The following NTM variants were observed in gnomAD, a reference collection of about 807,000 sequenced individuals.
The protein encoded by NTM is IgLON family member 2.
Under a neutral mutation model 42.1 loss-of-function variants are expected in NTM, and 13 were observed. The observed-to-expected ratio is 0.31, with a 90% confidence interval of 0.20 to 0.49. The LOEUF is 0.49. Ranked by LOEUF, NTM falls within the 20% of genes least tolerant of loss-of-function variation. The pLI is 0.99. For synonymous variants in NTM, 187 were observed against 179.2 expected (o/e 1.04, Z -0.35); for missense variants, 373 against 452.8 (o/e 0.82, Z 1.60).
At chr11:132,206,753 T>C (rs1490429947) in intron 3 of NTM, among the ~76,000 whole-genome samples, 1 of 152,234 alleles carries the variant, frequency 6.6e-6, no homozygotes, top group Admixed American at 6.5e-5. Context: ...TCACTTTTTC[T>C]GCCTAGATAC....
intron 1 of NTM, among the ~76,000 whole-genome samples, chr11:131,805,913 C>A (rs959723642): frequency 6.6e-6 from 1 of 152,170 alleles, no homozygotes; most frequent in Non-Finnish European, 1.5e-5. Flanking sequence ...CAAAATTAAA[C>A]ATGATGTTTA....
chr11:131,969,774 T>G (rs1351641194), intron 2 of NTM, among the ~76,000 whole-genome samples: 1 of 152,252 alleles, frequency 6.6e-6, no homozygotes, highest in East Asian at 1.9e-4. Context: ...TCTTCCCTTT[T>G]CAATGTTTTC....
At chr11:131,433,899 T>G (rs887256819) in intron 1 of NTM, among the ~76,000 whole-genome samples, 1 of 152,216 alleles carries the variant, frequency 6.6e-6, no homozygotes, top group East Asian at 1.9e-4. Context: ...CTGCACCCAT[T>G]AACTCGTCAT....
chr11:131,656,069 T>G (rs1397977614), intron 1 of NTM, among the ~76,000 whole-genome samples: 1 of 152,174 alleles, frequency 6.6e-6, no homozygotes, highest in Non-Finnish European at 1.5e-5. Flanking sequence ...CACCAGATCC[T>G]CATCTGCCAT....
At chr11:131,734,216 G>A (rs2080113490) in intron 1 of NTM, among the ~76,000 whole-genome samples, 2 of 152,070 alleles carry the variant, frequency 1.3e-5, no homozygotes, top group African/African-American at 2.4e-5. Context: ...TGAGTTCCTA[G>A]GTGAACTGAG....
At chr11:131,998,549 T>C (rs1020554204) in intron 2 of NTM, among the ~76,000 whole-genome samples, 9 of 152,340 alleles carry the variant, frequency 5.9e-5, no homozygotes, top group Admixed American at 2.6e-4. Context: ...TGGTTGACTT[T>C]TTTTTAAATT....
intron 1 of NTM, among the ~76,000 whole-genome samples, chr11:131,627,699 T>TACCA (rs2063263081): frequency 6.6e-6 from 1 of 151,974 alleles, no homozygotes; most frequent in South Asian, 2.1e-4. Flanking sequence ...GGCATGCTGG[T>TACCA]GCATGCCTGT....
chr11:131,916,389 AG>A (rs1284835725), intron 2 of NTM, among the ~76,000 whole-genome samples: 2 of 152,242 alleles, frequency 1.3e-5, no homozygotes, highest in African/African-American at 4.8e-5. Flanking sequence ...ATCACTTGGC[AG>A]GTGGGTATCA....
chr11:131,529,350 G>A (rs1348615618), intron 1 of NTM, among the ~76,000 whole-genome samples: 2 of 152,252 alleles, frequency 1.3e-5, no homozygotes, highest in African/African-American at 4.8e-5. Context: ...CCCTTAGGTT[G>A]TTGTAAACAT....
chr11:131,938,134 A>G (rs2059420779), intron 2 of NTM, among the ~76,000 whole-genome samples: 1 of 152,232 alleles, frequency 6.6e-6, no homozygotes, highest in African/African-American at 2.4e-5. Context: ...CCTTGCCCTC[A>G]TGGAAGTCAC....
At chr11:132,018,979 TTATC>T (rs2073889408) in intron 2 of NTM, among the ~76,000 whole-genome samples, 1 of 152,104 alleles carries the variant, frequency 6.6e-6, no homozygotes, top group African/African-American at 2.4e-5. Flanking sequence ...TTCATATAAA[TTATC>T]TAATTTGTCG....
intron 2 of NTM, among the ~76,000 whole-genome samples, chr11:132,013,048 C>G (rs143237160): frequency 6.6e-6 from 1 of 152,242 alleles, no homozygotes; most frequent in Non-Finnish European, 1.5e-5. Context: ...ACATACAGAT[C>G]TGATGCTCAG....
At chr11:131,829,438 C>T (rs1237980922) in intron 1 of NTM, among the ~76,000 whole-genome samples, 2 of 152,088 alleles carry the variant, frequency 1.3e-5, no homozygotes, top group Non-Finnish European at 2.9e-5. Flanking sequence ...GAACATGCAG[C>T]ATTTGGTTTT....
intron 1 of NTM, among the ~76,000 whole-genome samples, chr11:131,707,639 A>G (rs2076723044): frequency 6.6e-6 from 1 of 152,116 alleles, no homozygotes; most frequent in Non-Finnish European, 1.5e-5. Context: ...TCTTTTCTAC[A>G]CATTCTTTCC....
intron 1 of NTM, among the ~76,000 whole-genome samples, chr11:131,636,675 G>A (rs2064440227): frequency 6.6e-6 from 1 of 152,188 alleles, no homozygotes; most frequent in Non-Finnish European, 1.5e-5. Context: ...AAGGAGAATG[G>A]GCTTCAGAAC....
At chr11:131,415,012 G>T (rs1946800765) in intron 1 of NTM, among the ~76,000 whole-genome samples, 1 of 152,162 alleles carries the variant, frequency 6.6e-6, no homozygotes, top group Non-Finnish European at 1.5e-5. Flanking sequence ...TGATGACGCT[G>T]GTGTGCATCA....
At chr11:131,424,632 C>T (rs1947913018) in intron 1 of NTM, among the ~76,000 whole-genome samples, 1 of 38,306 alleles carries the variant, frequency 2.6e-5, no homozygotes, top group South Asian at 9.1e-4. Flanking sequence ...GCAATCTTGG[C>T]TCACTGCAAG....
chr11:132,004,431 T>C (rs2070228459), intron 2 of NTM, among the ~76,000 whole-genome samples: 1 of 152,176 alleles, frequency 6.6e-6, no homozygotes. Flanking sequence ...TTCCTGTGGT[T>C]CATCTTTGAA....
chr11:131,503,118 G>T (rs529963545), intron 1 of NTM, among the ~76,000 whole-genome samples: 10 of 152,300 alleles, frequency 6.6e-5, no homozygotes, highest in African/African-American at 1.7e-4. Context: ...AGGAAATAAA[G>T]ACATTTGTGT....
Sources: allele counts gnomAD v4.1 joint callset (sites outside exome capture counted in the v4.1 genomes callset), GRCh38; gene constraint gnomAD v4.1.1; transcripts MANE v1.5; gene names NCBI Gene and HGNC (gene_info 2026-07-23, HGNC 2026-07-21).